PRPF18: variants seen among roughly 807,000 people sequenced by gnomAD.
The protein encoded by PRPF18 is pre-mRNA processing factor 18, also known as pre-mRNA-splicing factor 18.
PRPF18 carries 38 observed loss-of-function variants against 46.5 expected under a neutral mutation model. The observed-to-expected ratio is 0.82, with a 90% CI of 0.63 to 1.07. PRPF18 has a LOEUF of 1.07. PRPF18 is among the 50% of genes least tolerant of loss of function. PRPF18 has a pLI of 0.00. For missense variants in PRPF18, 263 were observed against 410.0 expected, an observed-to-expected ratio of 0.64 and a Z score of 3.10; for synonymous variants, 152 against 146.7, an observed-to-expected ratio of 1.04 and a Z score of -0.26.
intron 9 of PRPF18, among the ~76,000 whole-genome samples, chr10:13,617,381 A>G (rs1313525338): frequency 6.6e-6 from 1 of 152,228 alleles, no homozygotes; most frequent in African/African-American, 2.4e-5. Context: ...AATTCGTGTC[A>G]TGCTTTATGC....
the PRPF18 span, chr10:13,640,082 TGTGGA>T: frequency 4.6e-5 from 7 of 152,228 alleles, no homozygotes; most frequent in Admixed American, 1.3e-4. Flanking sequence ...ATCCGAGCTC[TGTGGA>T]GTCCCCACAT....
At chr10:13,631,710 T>C (rs2080591164), downstream of PRPF18, 2 of 152,212 alleles carry the variant, frequency 1.3e-5, no homozygotes, top group South Asian at 4.2e-4. Context: ...GCAGTAATCA[T>C]GGAAACGTTG....
intron 9 of PRPF18, among the ~76,000 whole-genome samples, chr10:13,626,297 C>T (rs2080503760): frequency 6.6e-6 from 1 of 152,090 alleles, no homozygotes; most frequent in South Asian, 2.1e-4. Flanking sequence ...AATGGAAGAG[C>T]TTATATTCCC....
At chr10:13,629,247 C>T (rs936709174) in intron 9 of PRPF18, among the ~76,000 whole-genome samples, 3 of 152,218 alleles carry the variant, frequency 2.0e-5, no homozygotes, top group African/African-American at 7.2e-5. Context: ...GTCTTGGTTA[C>T]AGTTGCCAAG....
intron 1 of PRPF18, 144 bp from the exon 2 acceptor site, chr10:13,597,314 C>T (rs1270871971): frequency 1.0e-5 from 6 of 599,146 alleles, no homozygotes; most frequent in African/African-American, 1.9e-5. Flanking sequence ...ATGTATTCAT[C>T]TCTGGAACCA....
intron 9 of PRPF18, among the ~76,000 whole-genome samples, chr10:13,628,519 GTTA>G (rs2080544416): frequency 2.0e-5 from 3 of 152,092 alleles, no homozygotes; most frequent in African/African-American, 4.8e-5. Flanking sequence ...TATTTAAATA[GTTA>G]TTATATGATA....
At chr10:13,591,908 T>C in intron 1 of PRPF18, 2 of 1,418,788 alleles carry the variant, frequency 1.4e-6, no homozygotes. Flanking sequence ...GTTCGCAGTT[T>C]TCTCACGTGT....
the PRPF18 span, chr10:13,646,938 C>G: frequency 9.3e-6 from 9 of 966,690 alleles, no homozygotes; most frequent in African/African-American, 1.4e-4. Context: ...CTGGCTCACA[C>G]GAGGGTCCCG....
chr10:13,588,776 G>T (rs2079915062), intron 1 of PRPF18, among the ~76,000 whole-genome samples: 1 of 152,168 alleles, frequency 6.6e-6, no homozygotes, highest in Non-Finnish European at 1.5e-5. Flanking sequence ...ACTTCCTGAA[G>T]ATGATCTCCC....
intron 3 of PRPF18, among the ~76,000 whole-genome samples, chr10:13,602,070 G>A (rs2080119515): frequency 6.6e-6 from 1 of 152,206 alleles, no homozygotes; most frequent in Non-Finnish European, 1.5e-5. Context: ...CTACAAAGAA[G>A]CTGTGCCAAT....
chr10:13,628,154 A>G (rs2080537357), intron 9 of PRPF18, among the ~76,000 whole-genome samples: 1 of 152,248 alleles, frequency 6.6e-6, no homozygotes, highest in Admixed American at 6.5e-5. Flanking sequence ...AGCCAAGTGA[A>G]TGACGTGTGC....
At chr10:13,617,174 A>G (rs1006886625) in intron 9 of PRPF18, among the ~76,000 whole-genome samples, 1 of 152,248 alleles carries the variant, frequency 6.6e-6, no homozygotes, top group African/African-American at 2.4e-5. Context: ...GATTGTCATA[A>G]ATCCCAGATT....
At chr10:13,627,580 C>T (rs2080526706) in intron 9 of PRPF18, among the ~76,000 whole-genome samples, 1 of 152,192 alleles carries the variant, frequency 6.6e-6, no homozygotes, top group African/African-American at 2.4e-5. Flanking sequence ...ATATTCTGTC[C>T]TGAGATTACA....
At chr10:13,625,215 G>A (rs2080483656) in intron 9 of PRPF18, among the ~76,000 whole-genome samples, 2 of 152,122 alleles carry the variant, frequency 1.3e-5, no homozygotes, top group Non-Finnish European at 2.9e-5. Context: ...CTATTCAGGA[G>A]GCTGAGGTAG....
chr10:13,597,792 C>T, intron 2 of PRPF18: 3 of 675,016 alleles, frequency 4.4e-6, no homozygotes, highest in Non-Finnish European at 4.5e-6. Context: ...GAGATCAAAG[C>T]TTGAATTTTT....
At chr10:13,611,205 T>C (rs1303519421) in intron 5 of PRPF18, among the ~76,000 whole-genome samples, 6 of 131,360 alleles carry the variant, frequency 4.6e-5, no homozygotes, top group African/African-American at 1.1e-4. Context: ...TTTTTTTTTT[T>C]CCTATTGGTG....
At chr10:13,628,727 T>A (rs1020319894) in intron 9 of PRPF18, among the ~76,000 whole-genome samples, 2 of 152,204 alleles carry the variant, frequency 1.3e-5, no homozygotes, top group Non-Finnish European at 2.9e-5. Flanking sequence ...GTGATTTTAT[T>A]GAGCTTAACA....
intron 4 of PRPF18, among the ~76,000 whole-genome samples, chr10:13,607,785 T>C (rs887586815): frequency 6.6e-6 from 1 of 152,242 alleles, no homozygotes; most frequent in African/African-American, 2.4e-5. Context: ...TCCCAAGATT[T>C]CAAATATATA....
the PRPF18 span, among the ~76,000 whole-genome samples, chr10:13,650,616 C>T: frequency 0.048 from 7,330 of 152,194 alleles, 500 homozygotes; most frequent in African/African-American, 0.15. Context: ...CATGACATCA[C>T]CCTGGCACTG....
Sources: allele counts gnomAD v4.1 joint callset (sites outside exome capture counted in the v4.1 genomes callset), GRCh38; gene constraint gnomAD v4.1.1; transcripts MANE v1.5; gene names NCBI Gene and HGNC (gene_info 2026-07-23, HGNC 2026-07-21).